The following HLCS variants were observed in gnomAD, a reference collection of about 807,000 sequenced individuals.
HLCS encodes holocarboxylase synthetase.
In HLCS, 53 loss-of-function variants were observed where a neutral mutation model predicts 75.0. That is an observed-to-expected ratio of 0.71 (90% CI 0.57 to 0.89). The LOEUF (loss-of-function observed/expected upper bound fraction) is 0.89, where lower values mean the gene tolerates loss of function less well. Ranked by LOEUF, HLCS falls within the 40% of genes least tolerant of loss-of-function variation. The pLI is 0.00. For synonymous variants in HLCS, 431 were observed against 428.6 expected, an observed-to-expected ratio of 1.01 and a Z score of -0.07; for missense variants, 966 against 1,074.0, an observed-to-expected ratio of 0.90 and a Z score of 1.41.
At chr21:36,816,884 G>T (rs1257499648) in intron 6 of HLCS, among the ~76,000 whole-genome samples, 4 of 152,140 alleles carry the variant, frequency 2.6e-5, no homozygotes, top group Non-Finnish European at 5.9e-5. Flanking sequence ...TGACTCGTAA[G>T]CTTCTGAGAA....
chr21:36,883,642 C>T (rs1375390010), intron 6 of HLCS, among the ~76,000 whole-genome samples: 3 of 152,186 alleles, frequency 2.0e-5, no homozygotes, highest in Non-Finnish European at 4.4e-5. Context: ...TTTGCAGTTT[C>T]CACTGTCGGT....
At chr21:36,863,307 G>T (rs377069696) in intron 6 of HLCS, among the ~76,000 whole-genome samples, 2 of 152,092 alleles carry the variant, frequency 1.3e-5, no homozygotes, top group Admixed American at 6.5e-5. Context: ...CATCAGCAAG[G>T]CTTGCAGAGG....
intron 6 of HLCS, chr21:36,896,586 G>T: frequency 2.1e-6 from 1 of 487,272 alleles, no homozygotes. Flanking sequence ...CATAATATTC[G>T]TTTATCAAAG....
intron 4 of HLCS, 43 bp from the exon 5 acceptor site, chr21:36,930,476 A>G: frequency 6.9e-7 from 1 of 1,454,072 alleles, no homozygotes. Context: ...GGGCACTCAC[A>G]GGCAATGAGA....
chr21:36,882,748 A>G (rs1320805322), intron 6 of HLCS, among the ~76,000 whole-genome samples: 1 of 149,902 alleles, frequency 6.7e-6, no homozygotes, highest in Admixed American at 6.7e-5. Flanking sequence ...GGTGTGAGCC[A>G]CCGTGCCCGG....
At chr21:36,768,138 G>C (rs1016930098) in intron 6 of HLCS, among the ~76,000 whole-genome samples, 4 of 152,236 alleles carry the variant, frequency 2.6e-5, no homozygotes, top group Non-Finnish European at 5.9e-5. Context: ...GGCGCGGTTC[G>C]AGGTAGGATT....
At chr21:36,933,235 A>T (rs2066725990) in intron 4 of HLCS, among the ~76,000 whole-genome samples, 1 of 152,188 alleles carries the variant, frequency 6.6e-6, no homozygotes, top group Admixed American at 6.5e-5. Context: ...GAGGATGCCA[A>T]TCATGGGACA....
chr21:36,933,973 C>T (rs1010957826), intron 4 of HLCS, among the ~76,000 whole-genome samples: 5 of 152,152 alleles, frequency 3.3e-5, no homozygotes, highest in Non-Finnish European at 5.9e-5. Context: ...CCGAGAACTG[C>T]TTGGCTTCAC....
intron 5 of HLCS, among the ~76,000 whole-genome samples, chr21:36,924,206 T>TCC: frequency 1.3e-5 from 2 of 152,336 alleles, no homozygotes; most frequent in South Asian, 4.1e-4. Context: ...CATCAAGTAC[T>TCC]ATGTTAAAAA....
chr21:36,878,976 T>C (rs1406368067), intron 6 of HLCS, among the ~76,000 whole-genome samples: 1 of 66,818 alleles, frequency 1.5e-5, no homozygotes, highest in Admixed American at 1.9e-4. Flanking sequence ...CTTATCTCTT[T>C]AAAGGGGAAC....
At position 36,793,590 on chromosome 21, in the gene HLCS, G is replaced by A. The variant is rs137950524; in HGVS notation, c.1893-26305C>T. Among the ~76,000 whole-genome samples the A allele has an allele frequency of 2.9e-3, 442 of 152,192 alleles. 17 individuals carry two copies. The East Asian group carries it at 0.056, about 19-fold the overall frequency. On this transcript the variant is annotated intron_variant, in intron 6 of 10. Transcript: ENST00000674895. ...GCTGGGGTTACAGGTGTGAGCCACC[G>A]CGCCCAGCCAGGATGCAATCTTATT...
chr21:36,946,148 AC>A (rs2067381939), intron 2 of HLCS: 1 of 981,042 alleles, frequency 1.0e-6, no homozygotes, highest in Non-Finnish European at 1.2e-6. Flanking sequence ...GTGGGCAAAA[AC>A]CGAACCTGGC....
At chr21:36,757,615 A>G (rs547406975) in intron 9 of HLCS, among the ~76,000 whole-genome samples, 6 of 152,378 alleles carry the variant, frequency 3.9e-5, no homozygotes, top group African/African-American at 1.2e-4. Flanking sequence ...CGCCACAGGC[A>G]GAACAATGCC....
At chr21:36,954,695 G>A (rs1191777028) in intron 2 of HLCS, among the ~76,000 whole-genome samples, 2 of 152,050 alleles carry the variant, frequency 1.3e-5, no homozygotes, top group Admixed American at 6.6e-5. Flanking sequence ...ACTGGTTTAT[G>A]TGTTTTCTAT....
rs182306613 is a variant in HLCS at position 36,899,990 on chromosome 21, G to A, written c.1621-2859C>T. 5.3e-3 allele frequency among the ~76,000 whole-genome samples: 805 copies of A among 151,370 alleles called. 1 individual carries two copies. The highest frequency in any genetic ancestry group is 7.6e-3 in the Non-Finnish European group (515 of 67,758). On this transcript the variant is annotated intron_variant, in intron 5 of 10. Coordinates refer to ENST00000674895, the MANE Select transcript of HLCS (RefSeq NM_001352514.2). ...CATCGTGGTGGGTGCCTGTAATCCC[G>A]GCTACTTGGGAGGCTGAGGCACAAG... is the stretch of plus-strand genomic sequence containing the variant.
chr21:36,811,178 C>T (rs2061499226), intron 6 of HLCS, among the ~76,000 whole-genome samples: 2 of 152,134 alleles, frequency 1.3e-5, no homozygotes, highest in South Asian at 2.1e-4. Flanking sequence ...TAACTGATGA[C>T]GTATCTCTCA....
intron 1 of HLCS, among the ~76,000 whole-genome samples, chr21:36,975,918 T>C (rs1302708783): frequency 6.6e-6 from 1 of 152,114 alleles, no homozygotes; most frequent in Non-Finnish European, 1.5e-5. Context: ...CCTCAACAAC[T>C]CTGCATGGTG....
chr21:36,751,381 A>T lies in HLCS; in HGVS notation c.*2865T>A, dbSNP rs1307795100. The T allele has an allele frequency of 6.6e-6, 1 of 152,608 alleles. No individual in the cohort carries two copies. Among genetic ancestry groups the T allele is most frequent in the African/African-American group, 2.4e-5 (1 of 41,474 alleles). 9.5% of individuals were successfully genotyped at this position (152,608 alleles called of 1,614,324 possible). A position where few individuals can be genotyped will look rare whatever the true frequency, so the allele number is the denominator to read the frequency against. The stretch of plus-strand genomic sequence containing the variant: ...TGTTCTGCCTGTTAAGAGCAAACAG[A>T]TCTGGAGAACGGAAGCCCACCCTGC... On this transcript the variant is annotated 3_prime_UTR_variant, in exon 11 of 11. Transcript: ENST00000674895.
intron 6 of HLCS, among the ~76,000 whole-genome samples, chr21:36,787,413 C>T (rs1195288866): frequency 6.6e-6 from 1 of 152,198 alleles, no homozygotes; most frequent in African/African-American, 2.4e-5. Flanking sequence ...TGGTTAAGAC[C>T]CGCAGGGGTC....
Sources: gnomAD v4.1 joint callset for allele counts (sites outside exome capture counted in the v4.1 genomes callset) on GRCh38, gnomAD v4.1.1 for gene constraint, MANE v1.5 for transcripts, NCBI Gene and HGNC (gene_info 2026-07-23, HGNC 2026-07-21) for gene names.